The following KIF14 variants were observed in gnomAD, a reference collection of about 807,000 sequenced individuals.
KIF14 encodes the protein kinesin-like protein KIF14.
A neutral mutation model predicts 176.2 loss-of-function variants in KIF14; 98 were observed. That is an observed-to-expected ratio of 0.56 (90% confidence interval 0.47 to 0.66). The LOEUF is 0.66. Among genes scored for constraint, KIF14 ranks in the 30% least tolerant of loss-of-function variants. The probability of loss-of-function intolerance (pLI) is 0.00; values close to 1 mark genes in which losing one functional copy is unlikely to be tolerated. For missense variants in KIF14, 1,751 were observed against 1,920.4 expected (o/e 0.91, Z 1.65); for synonymous variants, 566 against 632.2 (o/e 0.90, Z 1.57).
At chr1:200,615,288 C>A in intron 3 of KIF14, 67 bp downstream of exon 3, 1 of 1,437,150 alleles carries the variant, frequency 7.0e-7, no homozygotes, top group Non-Finnish European at 9.6e-7. Flanking sequence ...TTCTATCACC[C>A]CTATGCCACT....
chr1:200,557,489 C>T (rs12734513), intron 27 of KIF14, among the ~76,000 whole-genome samples: 12,325 of 152,156 alleles, frequency 0.081, 714 homozygotes, highest in Non-Finnish European at 0.12. Context: ...TAAGTATGAT[C>T]ATCCTCATTT....
chr1:200,551,844 T>C lies in KIF14; in HGVS notation c.*1544A>G, dbSNP rs758717128. 1 of 152,232 alleles carries C rather than the reference T, an allele frequency of 6.6e-6. No individual in the cohort carries two copies. The highest frequency in any genetic ancestry group is 1.5e-5 in the Non-Finnish European group (1 of 68,050). 9.4% of individuals were successfully genotyped at this position (152,232 alleles called of 1,614,324 possible). A position where few individuals can be genotyped will look rare whatever the true frequency, so the allele number is the denominator to read the frequency against. Reference sequence around the variant, plus strand: ...CACAGGCAAAGTGCTACTTGCCAGATTATTGACTAATAAAAACACATATAG... The same window carrying C: ...CACAGGCAAAGTGCTACTTGCCAGACTATTGACTAATAAAAACACATATAG... On this transcript the variant is annotated 3_prime_UTR_variant, in exon 30 of 30. Coordinates refer to ENST00000367350, the MANE Select transcript of KIF14 (RefSeq NM_014875.3).
At chr1:200,611,089 G>T (rs1034483147) in intron 4 of KIF14, among the ~76,000 whole-genome samples, 4 of 152,060 alleles carry the variant, frequency 2.6e-5, no homozygotes, top group Admixed American at 2.6e-4. Context: ...CAGTGTAGAG[G>T]CCAAAAACGG....
At chr1:200,616,473 A>T (rs1483482846) in intron 2 of KIF14, among the ~76,000 whole-genome samples, 1 of 152,046 alleles carries the variant, frequency 6.6e-6, no homozygotes, top group Non-Finnish European at 1.5e-5. Flanking sequence ...AGACATTCCA[A>T]TTCTCTCAAA....
chr1:200,591,392 T>C (rs1304932462), intron 16 of KIF14, among the ~76,000 whole-genome samples: 1 of 152,222 alleles, frequency 6.6e-6, no homozygotes, highest in Non-Finnish European at 1.5e-5. Context: ...TCTAATGCAT[T>C]CTCCAGATTT....
intron 22 of KIF14, among the ~76,000 whole-genome samples, chr1:200,574,973 C>T (rs1054287848): frequency 8.0e-5 from 10 of 124,762 alleles, no homozygotes; most frequent in African/African-American, 3.1e-4. Context: ...GACGGAATCT[C>T]GCTCTGTCGC....
chr1:200,597,908 T>C (rs1659432539), intron 14 of KIF14, among the ~76,000 whole-genome samples: 1 of 152,186 alleles, frequency 6.6e-6, no homozygotes, highest in South Asian at 2.1e-4. Context: ...TTTAAATTGG[T>C]CAATCCAACC....
In KIF14 at chr1:200,591,154, A is replaced by T. The variant is rs567807165; in HGVS notation, c.2814-882T>A. Among the ~76,000 whole-genome samples the T allele has an allele frequency of 4.9e-4, 75 of 152,336 alleles. No individual in the cohort carries two copies. In the South Asian group the frequency reaches 0.014, roughly 28 times the overall value. ...TGTGCTATTTATATTGTATTCAATT[A>T]AAAAAATTCTTTTTAAAGGGCAAAA... On this transcript the variant is annotated intron_variant, in intron 16 of 29. Transcript: ENST00000367350.
chr1:200,575,534 C>T (rs1658049116), intron 22 of KIF14, 57 bp downstream of exon 22: 2 of 880,852 alleles, frequency 2.3e-6, no homozygotes, highest in South Asian at 1.9e-5. Context: ...CACACACACA[C>T]ACACACACAC....
At chr1:200,569,853 G>T in intron 23 of KIF14, 58 bp downstream of exon 23, 3 of 872,350 alleles carry the variant, frequency 3.4e-6, no homozygotes, top group Admixed American at 2.1e-5. Context: ...AAAATGTAAT[G>T]GTAGAACCAG....
chr1:200,581,415 T>C, intron 19 of KIF14, 121 bp from the exon 20 acceptor site: 2 of 472,014 alleles, frequency 4.2e-6, no homozygotes, highest in South Asian at 5.0e-5. Flanking sequence ...TAACTCTATA[T>C]TGCAGAAGGA....
rs936567121 is a variant in KIF14 at position 200,553,837 on chromosome 1, A to G, written c.4568-70T>C. 5.7e-6 allele frequency: 8 copies of G among 1,413,722 alleles called. No individual in the cohort carries two copies. In the African/African-American group the frequency reaches 1.1e-4, roughly 20 times the overall value. The allele number at this position is 1,413,722 out of a possible 1,614,324, so 87.6% of individuals were successfully genotyped here. A position where few individuals can be genotyped will look rare whatever the true frequency, so the allele number is the denominator to read the frequency against. On this transcript the variant is annotated intron_variant, in intron 29 of 29. Transcript: ENST00000367350. Reference sequence around the variant, plus strand: ...TTCATCAGGTATTTATGACTTTTATAGACTCTAGATATCTTTTAAGTCAAA... The same window carrying G: ...TTCATCAGGTATTTATGACTTTTATGGACTCTAGATATCTTTTAAGTCAAA...
chr1:200,582,557 CAA>C (rs754017390), intron 19 of KIF14, among the ~76,000 whole-genome samples: 11 of 152,100 alleles, frequency 7.2e-5, no homozygotes, highest in African/African-American at 1.2e-4. Flanking sequence ...GCAATAGATA[CAA>C]AGAGTATTGG....
chr1:200,557,842 T>C (rs976573712), intron 27 of KIF14, among the ~76,000 whole-genome samples: 1 of 152,140 alleles, frequency 6.6e-6, no homozygotes, highest in Non-Finnish European at 1.5e-5. Flanking sequence ...TCAATCAGTA[T>C]ATACATAAAT....
At position 200,600,765 on chromosome 1, in the gene KIF14, C is replaced by T. The variant is rs114368440; in HGVS notation, c.2153-262G>A. Among the ~76,000 whole-genome samples the T allele has an allele frequency of 1.7e-3, 252 of 152,254 alleles. 2 individuals are homozygous for T. Among genetic ancestry groups the T allele is most frequent in the African/African-American group, 5.7e-3 (236 of 41,526 alleles). ...GTATAATGTACTGACCAAAGTGGAA[C>T]ACTTTTGAGAGGCAAAAGGGTAATT... On this transcript the variant is annotated intron_variant, in intron 11 of 29. Transcript: ENST00000367350.
rs1051687573 is a variant in KIF14 at position 200,560,971 on chromosome 1, C to A, written c.4072-91G>T. The A allele has an allele frequency of 3.6e-5, 44 of 1,214,778 alleles. No individual in the cohort carries two copies. The South Asian group carries it at 5.7e-4, about 16-fold the overall frequency. 75.2% of individuals were successfully genotyped at this position (1,214,778 alleles called of 1,614,324 possible). ...AAGGGCCGGGCACAGCGGCTCACGC[C>A]TGTAATTCCAGCAGTTTGGGAGGCC... On this transcript the variant is annotated intron_variant, in intron 25 of 29. Coordinates refer to ENST00000367350, the MANE Select transcript of KIF14 (RefSeq NM_014875.3).
Position 200,614,373 on chromosome 1 carries a change from A to AT in KIF14, c.1399dup (p.Ile467AsnfsTer6). ...AAAAAGATCTTCACAAAATCTTGGA[A>AT]TTATTCCTGGTTCTTCACTAAATCC... On this transcript the variant is annotated frameshift_variant, in exon 4 of 30. Coordinates refer to ENST00000367350, the MANE Select transcript of KIF14 (RefSeq NM_014875.3). LOFTEE classifies it high-confidence loss of function. The AT allele has an allele frequency of 6.2e-7, 1 of 1,608,188 alleles. No homozygotes were observed. Among genetic ancestry groups the AT allele is most frequent in the Non-Finnish European group, 8.5e-7 (1 of 1,175,122 alleles).
chr1:200,554,282 T>C (rs190088969), intron 29 of KIF14, among the ~76,000 whole-genome samples, 186 bp downstream of exon 29: 143 of 152,106 alleles, frequency 9.4e-4, no homozygotes, highest in Non-Finnish European at 1.7e-3. Context: ...TCCCAGCTAC[T>C]TGGGAGGCTG....
At position 200,605,857 on chromosome 1, in the gene KIF14, A is replaced by C; in HGVS notation, c.1638+7T>G. ...ATCTAGTGAAAAGAAAACAAAATCA[A>C]TCTTACCTGGATATCAGCGTAAGAA... On this transcript the variant is annotated splice_region_variant and intron_variant, in intron 7 of 29. Transcript: ENST00000367350. 1 of 1,514,044 alleles carries C rather than the reference A, an allele frequency of 6.6e-7. No homozygotes were observed. Among genetic ancestry groups the C allele is most frequent in the East Asian group, 2.5e-5 (1 of 40,484 alleles). The allele number at this position is 1,514,044 out of a possible 1,614,324, so 93.8% of individuals were successfully genotyped here.
Sources: gnomAD v4.1 joint callset for allele counts (sites outside exome capture counted in the v4.1 genomes callset) on GRCh38, gnomAD v4.1.1 for gene constraint, MANE v1.5 for transcripts, NCBI Gene and HGNC (gene_info 2026-07-23, HGNC 2026-07-21) for gene names.